SOX5: variants seen among roughly 807,000 people sequenced by gnomAD.
The protein encoded by SOX5 is SRY-box transcription factor 5.
Under a neutral mutation model 92.0 loss-of-function variants are expected in SOX5, and 9 were observed. That is an observed-to-expected ratio of 0.10 (90% CI 0.06 to 0.17). SOX5 has a LOEUF of 0.17. Among genes scored for constraint, SOX5 ranks in the 10% least tolerant of loss-of-function variants. SOX5 has a pLI of 1.00. For synonymous variants in SOX5, 344 were observed against 336.3 expected, an observed-to-expected ratio of 1.02 and a Z score of -0.25; for missense variants, 642 against 944.5, an observed-to-expected ratio of 0.68 and a Z score of 4.20.
At chr12:23,996,704 T>G (rs1212733572) in intron 4 of SOX5, among the ~76,000 whole-genome samples, 1 of 152,198 alleles carries the variant, frequency 6.6e-6, no homozygotes, top group Non-Finnish European at 1.5e-5. Context: ...AAGAAACATG[T>G]GATGCAAAGA....
In SOX5 at chr12:24,107,564, C is replaced by T. The variant is rs554174322; in HGVS notation, c.-2+105779G>A. Among the ~76,000 whole-genome samples, 19 of 152,118 alleles carry T rather than the reference C, an allele frequency of 1.2e-4. No individual in the cohort carries two copies. In the East Asian group the frequency reaches 3.7e-3, roughly 29 times the overall value. The stretch of plus-strand genomic sequence containing the variant: ...ACAAACAAACAAACAAACATAAAAC[C>T]CAAAAAACAGCCTTAGTGTTTCATT... On this transcript the variant is annotated intron_variant, in intron 4 of 4. Transcript: ENST00000446891.
intron 7 of SOX5, among the ~76,000 whole-genome samples, chr12:23,653,694 TAGA>T (rs1472102141): frequency 1.3e-5 from 2 of 152,130 alleles, no homozygotes; most frequent in African/African-American, 4.8e-5. Context: ...CCTCACACTG[TAGA>T]AGGAGCAAGG....
chr12:23,855,894 A>C (rs2096682747), intron 2 of SOX5, among the ~76,000 whole-genome samples: 1 of 152,102 alleles, frequency 6.6e-6, no homozygotes. Context: ...TCTTCCCTTT[A>C]AAAAAGAGCT....
At chr12:23,550,696 C>T (rs1222015837) in intron 11 of SOX5, among the ~76,000 whole-genome samples, 1 of 151,778 alleles carries the variant, frequency 6.6e-6, no homozygotes, top group African/African-American at 2.4e-5. Flanking sequence ...ATTTCATACT[C>T]AGGCATGATG....
At chr12:24,259,721 A>G (rs1016864023) in intron 3 of SOX5, among the ~76,000 whole-genome samples, 9 of 152,228 alleles carry the variant, frequency 5.9e-5, no homozygotes, top group Admixed American at 4.6e-4. Context: ...ATAAGTAACG[A>G]ATATCCATTA....
In SOX5 at chr12:24,106,839, T is replaced by TAATAATAATAAA. The variant is rs973341314; in HGVS notation, c.-2+106503_-2+106504insTTTATTATTATT. 2.2e-5 allele frequency among the ~76,000 whole-genome samples: 3 copies of TAATAATAATAAA among 136,514 alleles called. No individual in the cohort carries two copies. The South Asian group carries it at 7.0e-4, about 32-fold the overall frequency. 89.6% of individuals were successfully genotyped at this position (136,514 alleles called of 152,430 possible). A position where few individuals can be genotyped will look rare whatever the true frequency, so the allele number is the denominator to read the frequency against. ...ATAATAATAATAATAATAATAATAA[T>TAATAATAATAAA]AAATAGAAGCATATTAGAACTCATT... On this transcript the variant is annotated intron_variant, in intron 4 of 4. Coordinates refer to the SOX5 transcript ENST00000446891.
At position 24,245,873 on chromosome 12, in the gene SOX5, A is replaced by C. The variant is rs116644025; in HGVS notation, c.-77+31343T>G. Among the ~76,000 whole-genome samples the C allele has an allele frequency of 4.3e-3, 652 of 152,350 alleles. 8 individuals carry two copies. Among genetic ancestry groups the C allele is most frequent in the African/African-American group, 0.014 (582 of 41,588 alleles). On this transcript the variant is annotated intron_variant, in intron 3 of 4. Coordinates refer to the SOX5 transcript ENST00000446891. Reference sequence around the variant, plus strand: ...AGGAGTACAGAAACAGTAAAGAAAAAAACTTGTTAGTGATAAAGAGAAGAA... The same window carrying C: ...AGGAGTACAGAAACAGTAAAGAAAACAACTTGTTAGTGATAAAGAGAAGAA...
chr12:23,940,985 T>A (rs1595799889), intron 1 of SOX5, among the ~76,000 whole-genome samples: 1 of 151,558 alleles, frequency 6.6e-6, no homozygotes, highest in South Asian at 2.1e-4. Context: ...TATGTTCCTG[T>A]AGCACATGCC....
intron 1 of SOX5, among the ~76,000 whole-genome samples, chr12:24,421,893 A>G (rs1305118905): frequency 1.3e-5 from 2 of 152,332 alleles, no homozygotes; most frequent in East Asian, 3.9e-4. Context: ...CCAACCCAGG[A>G]AACTATTAGC....
At chr12:24,326,297 A>T (rs1284875163) in intron 2 of SOX5, among the ~76,000 whole-genome samples, 1 of 152,150 alleles carries the variant, frequency 6.6e-6, no homozygotes, top group Non-Finnish European at 1.5e-5. Flanking sequence ...GATCAAAAAG[A>T]TTAAGACAAA....
intron 9 of SOX5, among the ~76,000 whole-genome samples, chr12:23,578,147 A>AAAAAAAAAAAAAAAAAAAAAAAC (rs1358041750): frequency 7.4e-6 from 1 of 134,748 alleles, no homozygotes. Flanking sequence ...AAAAAAAAAA[A>AAAAAAAAAAAAAAAAAAAAAAAC]AAACTATAGG....
At chr12:23,934,572 T>C (rs1054199106) in intron 1 of SOX5, among the ~76,000 whole-genome samples, 18 of 150,822 alleles carry the variant, frequency 1.2e-4, no homozygotes, top group Admixed American at 1.1e-3. Flanking sequence ...ATAGTTCTGA[T>C]AAATCCTGTA....
chr12:23,602,517 T>C (rs1232395782), intron 9 of SOX5, among the ~76,000 whole-genome samples: 1 of 152,030 alleles, frequency 6.6e-6, no homozygotes, highest in East Asian at 1.9e-4. Flanking sequence ...GGTGAGAAGG[T>C]ATCAATGATA....
intron 6 of SOX5, among the ~76,000 whole-genome samples, chr12:23,674,330 A>G (rs922529766): frequency 6.0e-4 from 49 of 81,490 alleles, no homozygotes; most frequent in African/African-American, 2.0e-3. Flanking sequence ...CTTACCATAA[A>G]AAGGAATTTT....
intron 1 of SOX5, among the ~76,000 whole-genome samples, chr12:24,555,720 A>G (rs1185452054): frequency 6.6e-6 from 1 of 152,184 alleles, no homozygotes; most frequent in African/African-American, 2.4e-5. Flanking sequence ...GACCTCAAAG[A>G]AATTGCCAGG....
chr12:24,388,017 A>G (rs757281530), intron 1 of SOX5, among the ~76,000 whole-genome samples: 1 of 152,190 alleles, frequency 6.6e-6, no homozygotes, highest in Non-Finnish European at 1.5e-5. Flanking sequence ...CGATAATACA[A>G]TTGGTGTCAA....
chr12:24,316,882 T>A (rs150008042), intron 2 of SOX5, among the ~76,000 whole-genome samples: 2 of 152,148 alleles, frequency 1.3e-5, no homozygotes, highest in African/African-American at 4.8e-5. Flanking sequence ...TAGCACAAGA[T>A]AATTTGGTCC....
At chr12:24,315,036 G>T (rs1193701145) in intron 2 of SOX5, among the ~76,000 whole-genome samples, 1 of 152,188 alleles carries the variant, frequency 6.6e-6, no homozygotes, top group Non-Finnish European at 1.5e-5. Context: ...TAATTAATGA[G>T]TTAATGAAAT....
chr12:23,625,802 T>C (rs1303941790), intron 8 of SOX5, among the ~76,000 whole-genome samples: 1 of 152,026 alleles, frequency 6.6e-6, no homozygotes, highest in Non-Finnish European at 1.5e-5. Context: ...AGAGATGGGG[T>C]TTCACCATGT....
Sources: allele counts gnomAD v4.1 joint callset (sites outside exome capture counted in the v4.1 genomes callset), GRCh38; gene constraint gnomAD v4.1.1; transcripts MANE v1.5; gene names NCBI Gene and HGNC (gene_info 2026-07-23, HGNC 2026-07-21).